The following NDUFB6 variants were observed in gnomAD, a reference collection of about 807,000 sequenced individuals.
NDUFB6 encodes the protein NADH dehydrogenase [ubiquinone] 1 beta subcomplex subunit 6.
A neutral mutation model predicts 17.5 loss-of-function variants in NDUFB6; 23 were observed. The ratio of observed to expected loss-of-function variants is 1.31; its 90% CI spans 0.94 to 1.86. The LOEUF is 1.86. NDUFB6 is among the 40% of genes most tolerant of loss of function. The probability of loss-of-function intolerance (pLI) is 0.00; values close to 1 mark genes in which losing one functional copy is unlikely to be tolerated. For synonymous variants in NDUFB6, 60 were observed against 53.5 expected (o/e 1.12, Z -0.53); for missense variants, 167 against 153.8 (o/e 1.09, Z -0.46).
intron 3 of NDUFB6, among the ~76,000 whole-genome samples, chr9:32,557,150 G>A (rs1004277922): frequency 1.4e-5 from 2 of 138,454 alleles, no homozygotes; most frequent in South Asian, 2.3e-4. Flanking sequence ...TAGCCACCGC[G>A]CCTGGCCCCC....
At chr9:32,555,658 T>C (rs1349018112) in intron 3 of NDUFB6, among the ~76,000 whole-genome samples, 1 of 152,334 alleles carries the variant, frequency 6.6e-6, no homozygotes, top group Middle Eastern at 3.4e-3. Context: ...GCCAGAATGT[T>C]TGAAATTAAA....
At chr9:32,559,258 G>A (rs1563993065) in intron 2 of NDUFB6, among the ~76,000 whole-genome samples, 1 of 152,126 alleles carries the variant, frequency 6.6e-6, no homozygotes, top group Non-Finnish European at 1.5e-5. Flanking sequence ...AGCAGAGCCT[G>A]TTAATTCTAT....
chr9:32,560,348 T>C lies in NDUFB6; in HGVS notation c.274-1394A>G, dbSNP rs144039609. ...ACATTACTGTATTAAATTGTCAACC[T>C]AGTGACTGCAGTTTGTTAAATTTGC... On this transcript the variant is annotated intron_variant, in intron 2 of 3. Coordinates refer to ENST00000379847, the MANE Select transcript of NDUFB6 (RefSeq NM_002493.5). Among the ~76,000 whole-genome samples, 9 of 152,358 alleles carry C rather than the reference T, an allele frequency of 5.9e-5. No homozygotes were observed. In the East Asian group the frequency reaches 1.7e-3, roughly 29 times the overall value.
intron 3 of NDUFB6, among the ~76,000 whole-genome samples, chr9:32,556,584 CAAGA>C (rs1272479867): frequency 6.6e-6 from 1 of 152,078 alleles, no homozygotes; most frequent in Non-Finnish European, 1.5e-5. Flanking sequence ...GGCACAGAAA[CAAGA>C]AAGAACCACA....
chr9:32,564,890 G>A (rs752847287), intron 2 of NDUFB6, among the ~76,000 whole-genome samples: 1 of 152,130 alleles, frequency 6.6e-6, no homozygotes. Context: ...TGAAATTAAC[G>A]ATCGCTCACC....
In NDUFB6 at chr9:32,572,760, G is replaced by C. The variant is rs557939958; in HGVS notation, c.180+121C>G. On this transcript the variant is annotated intron_variant, in intron 1 of 3. Coordinates refer to ENST00000379847, the MANE Select transcript of NDUFB6 (RefSeq NM_002493.5). ...CCAGGAGGACTCTCGGGACTGGCCA[G>C]TGTCCCAGAGCACTGAGCGTTATCA... 1.1e-4 allele frequency: 97 copies of C among 883,432 alleles called. No homozygotes were observed. The African/African-American group carries it at 1.6e-3, about 14-fold the overall frequency. The allele number at this position is 883,432 out of a possible 1,614,324, so 54.7% of individuals were successfully genotyped here.
At chr9:32,563,688 T>C (rs886774859) in intron 2 of NDUFB6, among the ~76,000 whole-genome samples, 2 of 152,152 alleles carry the variant, frequency 1.3e-5, no homozygotes, top group Non-Finnish European at 2.9e-5. Context: ...TCTCAAATGG[T>C]AATTTTTCTA....
At chr9:32,555,051 C>T (rs6476369) in intron 3 of NDUFB6, among the ~76,000 whole-genome samples, 2 of 151,292 alleles carry the variant, frequency 1.3e-5, no homozygotes, top group African/African-American at 4.9e-5. Flanking sequence ...ATGGAGAGGA[C>T]GAGAGAACAC....
chr9:32,566,971 A>G, intron 2 of NDUFB6: 1 of 512,422 alleles, frequency 2.0e-6, no homozygotes, highest in East Asian at 4.7e-5. Flanking sequence ...GGCATCGTCG[A>G]GGACGCTTCG....
At chr9:32,562,978 GTTCT>G (rs1228690132) in intron 2 of NDUFB6, among the ~76,000 whole-genome samples, 1 of 152,184 alleles carries the variant, frequency 6.6e-6, no homozygotes, top group East Asian at 1.9e-4. Flanking sequence ...TCTTAAAGCT[GTTCT>G]TTAACATTCA....
intron 2 of NDUFB6, among the ~76,000 whole-genome samples, chr9:32,562,249 A>C (rs1233203931): frequency 6.6e-6 from 1 of 152,204 alleles, no homozygotes; most frequent in Non-Finnish European, 1.5e-5. Flanking sequence ...GAGGTCAGGA[A>C]TTTGGTCTTG....
intron 2 of NDUFB6, among the ~76,000 whole-genome samples, chr9:32,568,998 C>A (rs912049605): frequency 2.6e-5 from 4 of 151,666 alleles, no homozygotes; most frequent in African/African-American, 9.7e-5. Context: ...ATCCACCTGC[C>A]TTGGCCTCCC....
chr9:32,555,880 T>C (rs1431253121), intron 3 of NDUFB6, among the ~76,000 whole-genome samples: 1 of 152,200 alleles, frequency 6.6e-6, no homozygotes, highest in Non-Finnish European at 1.5e-5. Flanking sequence ...TCAAGTAATT[T>C]CTCACACACG....
intron 1 of NDUFB6, among the ~76,000 whole-genome samples, chr9:32,571,764 A>T (rs1369715195): frequency 1.3e-5 from 2 of 152,242 alleles, no homozygotes; most frequent in Non-Finnish European, 2.9e-5. Context: ...TTACTTCCTT[A>T]TATCACTTGC....
At chr9:32,568,706 GTGTA>G (rs1284822827) in intron 2 of NDUFB6, 2 of 152,124 alleles carry the variant, frequency 1.3e-5, no homozygotes, top group African/African-American at 5.4e-5. Flanking sequence ...GTATATATAT[GTGTA>G]TGTATATGTG....
chr9:32,561,924 T>C (rs1319010588), intron 2 of NDUFB6, among the ~76,000 whole-genome samples: 1 of 152,212 alleles, frequency 6.6e-6, no homozygotes, highest in Non-Finnish European at 1.5e-5. Flanking sequence ...CAATTCACCA[T>C]CCATTTCAAT....
At chr9:32,563,324 CTCTTTTTTTTTTAATTT>C (rs1252286686) in intron 2 of NDUFB6, among the ~76,000 whole-genome samples, 1 of 151,744 alleles carries the variant, frequency 6.6e-6, no homozygotes, top group Non-Finnish European at 1.5e-5. Context: ...TATTAGCATC[CTCTTTTTTTTTTAATTT>C]TCTTTTTTTG....
rs183555693 is a variant in NDUFB6 at position 32,562,594 on chromosome 9, G to A, written c.274-3640C>T. 3.5e-3 allele frequency among the ~76,000 whole-genome samples: 539 copies of A among 152,290 alleles called. 1 individual carries two copies. Among genetic ancestry groups the A allele is most frequent in the Middle Eastern group, 6.8e-3 (2 of 294 alleles). ...TAAACTTACATAAAGCTGCAAGAAT[G>A]AAAATAATTTTTTCCTTGAATCACT... On this transcript the variant is annotated intron_variant, in intron 2 of 3. Transcript: ENST00000379847.
intron 2 of NDUFB6, among the ~76,000 whole-genome samples, chr9:32,563,846 A>T (rs746170351): frequency 1.6e-4 from 24 of 152,226 alleles, no homozygotes; most frequent in Non-Finnish European, 3.1e-4. Context: ...TTTGAAGTTC[A>T]AACTGCCCAG....
Sources: gnomAD v4.1 joint callset for allele counts (sites outside exome capture counted in the v4.1 genomes callset) on GRCh38, gnomAD v4.1.1 for gene constraint, MANE v1.5 for transcripts, NCBI Gene and HGNC (gene_info 2026-07-23, HGNC 2026-07-21) for gene names.